The following DNMBP variants were observed in gnomAD, a reference collection of about 807,000 sequenced individuals.
The protein encoded by DNMBP is dynamin-binding protein.
A neutral mutation model predicts 150.0 loss-of-function variants in DNMBP; 87 were observed. The ratio of observed to expected loss-of-function variants is 0.58; its 90% CI spans 0.49 to 0.69. The LOEUF (loss-of-function observed/expected upper bound fraction) is 0.69. DNMBP is among the 30% of genes least tolerant of loss of function. DNMBP has a pLI of 0.00. For synonymous variants in DNMBP, 711 were observed against 750.4 expected (o/e 0.95, Z 0.86); for missense variants, 1,774 against 1,949.0 (o/e 0.91, Z 1.69).
At chr10:99,940,332 A>T (rs985840743) in intron 4 of DNMBP, among the ~76,000 whole-genome samples, 2 of 152,062 alleles carry the variant, frequency 1.3e-5, no homozygotes, top group African/African-American at 4.8e-5. Flanking sequence ...AGGTTATTTA[A>T]TCTCTCTAGG....
At chr10:100,000,157 C>T (rs1267730289) in intron 1 of DNMBP, among the ~76,000 whole-genome samples, 3 of 152,172 alleles carry the variant, frequency 2.0e-5, no homozygotes, top group Non-Finnish European at 2.9e-5. Context: ...AGAATACTTA[C>T]CGTTCAGAAT....
chr10:99,885,219 C>A (rs553703009), intron 14 of DNMBP, among the ~76,000 whole-genome samples: 28 of 151,936 alleles, frequency 1.8e-4, no homozygotes, highest in Non-Finnish European at 3.1e-4. Flanking sequence ...CCCTCCCCCC[C>A]ACAAAAAAAG....
At chr10:99,891,321 T>A (rs1177653557) in intron 11 of DNMBP, among the ~76,000 whole-genome samples, 1 of 149,430 alleles carries the variant, frequency 6.7e-6, no homozygotes, top group East Asian at 2.0e-4. Context: ...GTGCCTGCGA[T>A]TGCAGGCACG....
intron 1 of DNMBP, among the ~76,000 whole-genome samples, chr10:99,983,517 A>C (rs1036196560): frequency 2.6e-5 from 4 of 152,220 alleles, no homozygotes; most frequent in African/African-American, 9.6e-5. Context: ...GGTTCCTCAG[A>C]GATTCTTCAG....
At chr10:99,982,171 G>A (rs1277138473) in intron 1 of DNMBP, among the ~76,000 whole-genome samples, 4 of 152,138 alleles carry the variant, frequency 2.6e-5, no homozygotes, top group East Asian at 1.9e-4. Context: ...ATGGCTAGGC[G>A]CAGTGGCTCA....
At chr10:99,917,842 T>C (rs1040533631) in intron 4 of DNMBP, among the ~76,000 whole-genome samples, 2 of 151,590 alleles carry the variant, frequency 1.3e-5, no homozygotes, top group Non-Finnish European at 2.9e-5. Context: ...TGCCCACCTG[T>C]AGTGTAGTCC....
At chr10:99,915,985 C>T (rs1405197245) in intron 4 of DNMBP, among the ~76,000 whole-genome samples, 3 of 152,092 alleles carry the variant, frequency 2.0e-5, no homozygotes, top group Non-Finnish European at 4.4e-5. Context: ...CCTGGAATTC[C>T]ACTTTTGGGT....
intron 1 of DNMBP, among the ~76,000 whole-genome samples, chr10:99,973,260 T>C (rs2040697101): frequency 6.6e-6 from 1 of 152,082 alleles, no homozygotes; most frequent in Admixed American, 6.5e-5. Flanking sequence ...TCTTCATATA[T>C]TTTTCATTTG....
chr10:99,930,443 A>G (rs2040138362), intron 4 of DNMBP: 2 of 702,944 alleles, frequency 2.8e-6, no homozygotes, highest in East Asian at 2.7e-5. Flanking sequence ...GACTCTCATA[A>G]TCTACATTTT....
chr10:99,960,622 C>T (rs1218764657), intron 3 of DNMBP, among the ~76,000 whole-genome samples: 2 of 152,160 alleles, frequency 1.3e-5, no homozygotes, highest in Admixed American at 1.3e-4. Context: ...GCCTGGCCAA[C>T]ATGGTGAAAC....
chr10:99,917,694 G>A (rs2039978624), intron 4 of DNMBP, among the ~76,000 whole-genome samples: 3 of 152,008 alleles, frequency 2.0e-5, no homozygotes, highest in African/African-American at 4.8e-5. Flanking sequence ...GGCTGGGCGC[G>A]GTGGCTCATG....
At chr10:100,002,130 A>G (rs532250520) in intron 1 of DNMBP, among the ~76,000 whole-genome samples, 1 of 152,162 alleles carries the variant, frequency 6.6e-6, no homozygotes, top group South Asian at 2.1e-4. Context: ...GATATAGTGC[A>G]ATGTTAAGTG....
intron 13 of DNMBP, 59 bp downstream of exon 13, chr10:99,886,241 A>G (rs2039460055): frequency 7.0e-7 from 1 of 1,419,860 alleles, no homozygotes; most frequent in Non-Finnish European, 9.6e-7. Context: ...CATTTTTCCC[A>G]GAAAAATACC....
At position 99,931,106 on chromosome 10, in the gene DNMBP, A is replaced by G. The variant is rs12218114; in HGVS notation, c.2261-21960T>C. 5.6e-4 allele frequency: 119 copies of G among 214,226 alleles called. 1 individual carries two copies. The East Asian group carries it at 0.012, about 22-fold the overall frequency. 13.3% of individuals were successfully genotyped at this position (214,226 alleles called of 1,614,324 possible). Reference sequence around the variant, plus strand: ...TTGCTGAAGATAGAGGCATTCTGCTACTCCAAAGGTTTTGCAGGAAAAGTC... The same window carrying G: ...TTGCTGAAGATAGAGGCATTCTGCTGCTCCAAAGGTTTTGCAGGAAAAGTC... On this transcript the variant is annotated intron_variant, in intron 4 of 16. Transcript: ENST00000324109.
rs138760164 is a variant in DNMBP at position 99,914,824 on chromosome 10, C to T, written c.2261-5678G>A. Among the ~76,000 whole-genome samples, 120 of 151,896 alleles carry T rather than the reference C, an allele frequency of 7.9e-4. 2 individuals are homozygous for T. Among genetic ancestry groups the T allele is most frequent in the African/African-American group, 2.8e-3 (117 of 41,434 alleles). On this transcript the variant is annotated intron_variant, in intron 4 of 16. Coordinates refer to ENST00000324109, the MANE Select transcript of DNMBP (RefSeq NM_015221.4). ...CATATAGGCTGGGCGCAGTGGCTCA[C>T]GTGAGGCCTGTAATCCCAGCACCCT...
intron 1 of DNMBP, among the ~76,000 whole-genome samples, chr10:99,985,035 GC>G (rs1162256385): frequency 6.6e-6 from 1 of 152,150 alleles, no homozygotes; most frequent in Non-Finnish European, 1.5e-5. Flanking sequence ...GAGCCACTGT[GC>G]CTGGCCTCAA....
chr10:99,900,575 T>C (rs990647168), intron 6 of DNMBP, among the ~76,000 whole-genome samples: 5 of 152,068 alleles, frequency 3.3e-5, no homozygotes, highest in African/African-American at 1.2e-4. Flanking sequence ...AAGTCAGACA[T>C]CTGAGAGCGT....
At position 99,992,891 on chromosome 10, in the gene DNMBP, A is replaced by C. The variant is rs946962790; in HGVS notation, c.-11+16947T>G. ...AATCTGGTCTCTACAAAAAATACAA[A>C]AAATTAGCTGGGCATGGTGGTGTGC... is the stretch of plus-strand genomic sequence containing the variant. On this transcript the variant is annotated intron_variant, in intron 1 of 16. Transcript: ENST00000324109. Among the ~76,000 whole-genome samples the C allele has an allele frequency of 2.6e-5, 4 of 152,090 alleles. No homozygotes were observed. In the East Asian group the frequency reaches 5.8e-4, roughly 22 times the overall value.
chr10:99,929,553 T>C, intron 4 of DNMBP: 1 of 609,714 alleles, frequency 1.6e-6, no homozygotes, highest in Non-Finnish European at 2.9e-6. Context: ...CTGGTATAAC[T>C]ACCCTTTAAA....
Sources: allele counts gnomAD v4.1 joint callset (sites outside exome capture counted in the v4.1 genomes callset), GRCh38; gene constraint gnomAD v4.1.1; transcripts MANE v1.5; gene names NCBI Gene and HGNC (gene_info 2026-07-23, HGNC 2026-07-21).